The following PLCB1 variants were observed in gnomAD, a reference collection of about 807,000 sequenced individuals.
The protein encoded by PLCB1 is phospholipase C beta 1.
In PLCB1, 46 loss-of-function variants were observed where a neutral mutation model predicts 161.8. That is an observed-to-expected ratio of 0.28 (90% CI 0.22 to 0.36). PLCB1 has a LOEUF of 0.36. PLCB1 is among the 10% of genes least tolerant of loss of function. PLCB1 has a pLI of 1.00. For missense variants in PLCB1, 1,016 were observed against 1,472.5 expected (o/e 0.69, Z 5.07); for synonymous variants, 517 against 503.7 (o/e 1.03, Z -0.35).
At chr20:8,612,107 G>A (rs542754321) in intron 3 of PLCB1, among the ~76,000 whole-genome samples, 46 of 152,152 alleles carry the variant, frequency 3.0e-4, no homozygotes, top group South Asian at 6.2e-4. Context: ...AAGGATCTAC[G>A]TATTTTCCTC....
At chr20:8,243,323 A>G (rs988972192) in intron 2 of PLCB1, among the ~76,000 whole-genome samples, 8 of 151,986 alleles carry the variant, frequency 5.3e-5, no homozygotes, top group Non-Finnish European at 1.0e-4. Context: ...TGCAAAGAGG[A>G]AAAGGTTAAT....
chr20:8,269,908 G>A (rs190930762), intron 2 of PLCB1, among the ~76,000 whole-genome samples: 1 of 149,982 alleles, frequency 6.7e-6, no homozygotes. Flanking sequence ...AAAAAAAAAA[G>A]CCTGGCTAAC....
chr20:8,237,543 T>C (rs1980390854), intron 2 of PLCB1, among the ~76,000 whole-genome samples: 1 of 152,124 alleles, frequency 6.6e-6, no homozygotes, highest in African/African-American at 2.4e-5. Context: ...ATTACTTTTA[T>C]AACATCATGA....
intron 2 of PLCB1, among the ~76,000 whole-genome samples, chr20:8,265,880 C>T (rs1325815094): frequency 6.6e-6 from 1 of 152,140 alleles, no homozygotes; most frequent in Non-Finnish European, 1.5e-5. Context: ...GGAAATCATA[C>T]AAATGTCATT....
In PLCB1 at chr20:8,681,086, G is replaced by GTGTA. The variant is rs1394518085; in HGVS notation, c.863-3845_863-3844insGTAT. Among the ~76,000 whole-genome samples, 100 of 73,842 alleles carry GTGTA rather than the reference G, an allele frequency of 1.4e-3. 1 individual carries two copies. Among genetic ancestry groups the GTGTA allele is most frequent in the South Asian group, 7.7e-3 (18 of 2,348 alleles). The allele number at this position is 73,842 out of a possible 152,430, so 48.4% of individuals were successfully genotyped here. ...TATATATGTGTGTATATGTGTGTGT[G>GTGTA]TATATATATATATATATATATATAT... On this transcript the variant is annotated intron_variant, in intron 9 of 31. Transcript: ENST00000338037.
In PLCB1 at chr20:8,334,070, G is replaced by A. The variant is rs191049159; in HGVS notation, c.178-37312G>A. ...ACTAAAAATACAAAATTGGCCGGGT[G>A]TGGTGGTGCATGCCTGTAATCCCAG... On this transcript the variant is annotated intron_variant, in intron 2 of 31. Transcript: ENST00000338037. Among the ~76,000 whole-genome samples, 1,450 of 152,194 alleles carry A rather than the reference G, an allele frequency of 9.5e-3. 11 individuals carry two copies. The highest frequency in any genetic ancestry group is 0.016 in the Non-Finnish European group (1,116 of 68,010).
intron 6 of PLCB1, among the ~76,000 whole-genome samples, chr20:8,648,315 G>A (rs993721652): frequency 6.6e-6 from 1 of 152,134 alleles, no homozygotes; most frequent in Non-Finnish European, 1.5e-5. Flanking sequence ...CCCTCAAGCA[G>A]GGTTTGCAAC....
intron 2 of PLCB1, among the ~76,000 whole-genome samples, chr20:8,284,311 T>C (rs1983010906): frequency 6.6e-6 from 1 of 152,182 alleles, no homozygotes; most frequent in Non-Finnish European, 1.5e-5. Flanking sequence ...TATCCTTCTA[T>C]TGACTTTACC....
chr20:8,209,896 G>A (rs1978731126), intron 2 of PLCB1, among the ~76,000 whole-genome samples: 2 of 152,032 alleles, frequency 1.3e-5, no homozygotes, highest in South Asian at 2.1e-4. Context: ...AGAGTGCAGT[G>A]GAGCGATCCT....
chr20:8,406,373 A>G (rs1568664093), intron 3 of PLCB1, among the ~76,000 whole-genome samples: 1 of 152,254 alleles, frequency 6.6e-6, no homozygotes, highest in African/African-American at 2.4e-5. Flanking sequence ...AAGAACATGC[A>G]GGTAATGTTT....
intron 4 of PLCB1, among the ~76,000 whole-genome samples, chr20:8,638,229 G>A (rs899978071): frequency 1.3e-5 from 2 of 152,140 alleles, no homozygotes; most frequent in African/African-American, 2.4e-5. Context: ...TTAAGCTAAC[G>A]AGAGTTGGAA....
chr20:8,881,986 C>T lies in PLCB1; in HGVS notation c.*137C>T, dbSNP rs1178122859. On this transcript the variant is annotated 3_prime_UTR_variant, in exon 32 of 32. Transcript: ENST00000338037. ...TAAAATCCACACCAAAGGGAGAGTTCCAGAGGAATCCATGAAGAATTCCCA... is the reference window on the plus strand; with the variant it reads ...TAAAATCCACACCAAAGGGAGAGTTTCAGAGGAATCCATGAAGAATTCCCA... 15 of 629,052 alleles carry T rather than the reference C, an allele frequency of 2.4e-5. No individual in the cohort carries two copies. Among genetic ancestry groups the T allele is most frequent in the South Asian group, 2.3e-4 (12 of 51,128 alleles). 39.0% of individuals were successfully genotyped at this position (629,052 alleles called of 1,614,324 possible). A position where few individuals can be genotyped will look rare whatever the true frequency, so the allele number is the denominator to read the frequency against.
chr20:8,233,932 A>G (rs777175239), intron 2 of PLCB1, among the ~76,000 whole-genome samples: 5 of 152,180 alleles, frequency 3.3e-5, no homozygotes, highest in Admixed American at 6.6e-5. Flanking sequence ...TCATTGCTGT[A>G]TAATATTCCA....
chr20:8,604,239 T>G (rs866011657), intron 3 of PLCB1, among the ~76,000 whole-genome samples: 3 of 111,114 alleles, frequency 2.7e-5, no homozygotes, highest in Non-Finnish European at 5.0e-5. Flanking sequence ...AGTAACAGAG[T>G]GAGGCCCTGT....
Position 8,371,374 on chromosome 20 carries a change from C to T in PLCB1, c.178-8C>T. 1.9e-6 allele frequency: 3 copies of T among 1,604,756 alleles called. No individual in the cohort carries two copies. Among genetic ancestry groups the T allele is most frequent in the Non-Finnish European group, 2.6e-6 (3 of 1,174,940 alleles). On this transcript the variant is annotated splice_polypyrimidine_tract_variant and splice_region_variant and intron_variant, in intron 2 of 31. Transcript: ENST00000338037. ...GTTGCTTAACGATTTCACGTTTTTG[C>T]CTTCCAGGAGACAGAGCTACTGGAT...
At chr20:8,605,901 A>G (rs1391027346) in intron 3 of PLCB1, among the ~76,000 whole-genome samples, 1 of 151,684 alleles carries the variant, frequency 6.6e-6, no homozygotes, top group Non-Finnish European at 1.5e-5. Flanking sequence ...GTGGTATATG[A>G]TTTTCTGTTT....
At chr20:8,729,286 A>G (rs1002495268) in intron 18 of PLCB1, 112 bp downstream of exon 18, 4 of 962,528 alleles carry the variant, frequency 4.2e-6, no homozygotes, top group African/African-American at 3.4e-5. Flanking sequence ...GAAAAAATAA[A>G]TAAAAGCAAA....
chr20:8,819,225 A>C (rs1474619188), intron 31 of PLCB1, among the ~76,000 whole-genome samples: 1 of 152,152 alleles, frequency 6.6e-6, no homozygotes, highest in Admixed American at 6.5e-5. Flanking sequence ...CTGATGTGAG[A>C]ACTTGATTTA....
At position 8,678,940 on chromosome 20, in the gene PLCB1, G is replaced by A. The variant is rs1440134484; in HGVS notation, c.863-5992G>A. Among the ~76,000 whole-genome samples, 3 of 152,150 alleles carry A rather than the reference G, an allele frequency of 2.0e-5. No individual in the cohort carries two copies. The East Asian group carries it at 5.8e-4, about 29-fold the overall frequency. On this transcript the variant is annotated intron_variant, in intron 9 of 31. Coordinates refer to ENST00000338037, the MANE Select transcript of PLCB1 (RefSeq NM_015192.4). ...GGGCTGCAACTCCAAACTCTTTCGT[G>A]TTATATGCACTAAGAACTACACTAA...
Sources: gnomAD v4.1 joint callset for allele counts (sites outside exome capture counted in the v4.1 genomes callset) on GRCh38, gnomAD v4.1.1 for gene constraint, MANE v1.5 for transcripts, NCBI Gene and HGNC (gene_info 2026-07-23, HGNC 2026-07-21) for gene names.